The following WDPCP variants were observed in gnomAD, a reference collection of about 807,000 sequenced individuals.
The protein encoded by WDPCP is WD repeat containing planar cell polarity effector.
WDPCP carries 71 observed loss-of-function variants against 93.1 expected under a neutral mutation model. The observed-to-expected ratio is 0.76, with a 90% CI of 0.63 to 0.93. The LOEUF (loss-of-function observed/expected upper bound fraction) is 0.93, where lower values mean the gene tolerates loss of function less well. Among genes scored for constraint, WDPCP ranks in the 40% least tolerant of loss-of-function variants. WDPCP has a pLI of 0.00. For synonymous variants in WDPCP, 315 were observed against 315.0 expected, an observed-to-expected ratio of 1.00 and a Z score of 0.00; for missense variants, 844 against 887.4, an observed-to-expected ratio of 0.95 and a Z score of 0.62.
At chr2:63,233,379 C>G in intron 14 of WDPCP, 1 of 262,116 alleles carries the variant, frequency 3.8e-6, no homozygotes, top group Non-Finnish European at 7.4e-6. Flanking sequence ...CATAAATCCA[C>G]AGAGTCTACA....
At chr2:63,604,083 G>T (rs1709482455) in intron 3 of WDPCP, among the ~76,000 whole-genome samples, 4 of 152,202 alleles carry the variant, frequency 2.6e-5, no homozygotes, top group Admixed American at 2.0e-4. Context: ...ATTTTAGAGT[G>T]TATATATGTG....
At chr2:63,487,797 A>G (rs1356277043) in intron 2 of WDPCP, among the ~76,000 whole-genome samples, 1 of 152,092 alleles carries the variant, frequency 6.6e-6, no homozygotes, top group Non-Finnish European at 1.5e-5. Context: ...ACATCCTCTG[A>G]TATTTTTCAC....
rs371305145 is a variant in WDPCP, at chr2:63,437,589, T to C, written c.500-35A>G. ...ATAATTAGATATTACCAAGTTAGAA[T>C]AAAATAATGAATAGATTTTTCCACT... On this transcript the variant is annotated intron_variant, in intron 7 of 17. Transcript: ENST00000272321. 1,550 of 1,531,266 alleles carry C rather than the reference T, an allele frequency of 1.0e-3. 2 individuals carry two copies. Among genetic ancestry groups the C allele is most frequent in the Non-Finnish European group, 1.3e-3 (1,467 of 1,128,396 alleles). 94.9% of individuals were successfully genotyped at this position (1,531,266 alleles called of 1,614,324 possible). A position where few individuals can be genotyped will look rare whatever the true frequency, so the allele number is the denominator to read the frequency against.
chr2:63,736,284 T>C (rs139020692), intron 2 of WDPCP, among the ~76,000 whole-genome samples: 212 of 152,274 alleles, frequency 1.4e-3, no homozygotes, highest in African/African-American at 5.0e-3. Flanking sequence ...TTCAAATAAA[T>C]AGCAAACAAA....
chr2:63,171,787 C>T (rs114787546), intron 15 of WDPCP, among the ~76,000 whole-genome samples: 1,812 of 152,228 alleles, frequency 0.012, 36 homozygotes, highest in African/African-American at 0.042. Context: ...GGAAATAACC[C>T]AGATACCATC....
rs1286640205 is a variant in WDPCP at position 63,213,479 on chromosome 2, G to T, written c.1916-38647C>A. 2.6e-5 allele frequency among the ~76,000 whole-genome samples: 4 copies of T among 152,194 alleles called. No individual in the cohort carries two copies. The East Asian group carries it at 5.8e-4, about 22-fold the overall frequency. Reference sequence around the variant, plus strand: ...TCTGGGACACATTTAAAGCAGTGTGGAGAGGGAAACTTATAGCACTAAATG... The same window carrying T: ...TCTGGGACACATTTAAAGCAGTGTGTAGAGGGAAACTTATAGCACTAAATG... On this transcript the variant is annotated intron_variant, in intron 14 of 17. Transcript: ENST00000272321.
At chr2:63,167,232 A>T (rs1443229312) in intron 15 of WDPCP, among the ~76,000 whole-genome samples, 1 of 152,238 alleles carries the variant, frequency 6.6e-6, no homozygotes, top group Non-Finnish European at 1.5e-5. Context: ...AAATATTTAC[A>T]CTGAAGCCAT....
chr2:63,266,203 G>C (rs1231955246), intron 13 of WDPCP, among the ~76,000 whole-genome samples: 1 of 152,178 alleles, frequency 6.6e-6, no homozygotes, highest in African/African-American at 2.4e-5. Context: ...TATAGGAAAG[G>C]AAGGTGTGAA....
At chr2:63,287,159 A>C (rs1386285910) in intron 13 of WDPCP, among the ~76,000 whole-genome samples, 1 of 152,194 alleles carries the variant, frequency 6.6e-6, no homozygotes, top group Non-Finnish European at 1.5e-5. Flanking sequence ...TAAGGGGCCC[A>C]TCCTCATGGC....
intron 13 of WDPCP, among the ~76,000 whole-genome samples, chr2:63,285,311 G>A (rs868578491): frequency 1.3e-5 from 2 of 152,018 alleles, no homozygotes; most frequent in Non-Finnish European, 2.9e-5. Context: ...GCGGGTGGCT[G>A]TAGTCCCAGC....
At chr2:63,835,824 C>A in the WDPCP span, among the ~76,000 whole-genome samples, 1 of 151,996 alleles carries the variant, frequency 6.6e-6, no homozygotes, top group Non-Finnish European at 1.5e-5. Flanking sequence ...TTAATCTTCA[C>A]CCAAAAAGCA....
At chr2:63,378,342 T>A in intron 12 of WDPCP, 44 bp downstream of exon 12, 1 of 1,611,280 alleles carries the variant, frequency 6.2e-7, no homozygotes, top group Non-Finnish European at 8.5e-7. Context: ...TCTCCTGAAA[T>A]AAGTAATTAG....
intron 16 of WDPCP, chr2:63,153,179 T>C (rs1301959175): frequency 1.8e-6 from 1 of 567,852 alleles, no homozygotes; most frequent in African/African-American, 1.9e-5. Context: ...GTATATACTA[T>C]AGTATATACT....
At chr2:63,374,631 A>G (rs982606608) in intron 12 of WDPCP, among the ~76,000 whole-genome samples, 1 of 152,152 alleles carries the variant, frequency 6.6e-6, no homozygotes, top group African/African-American at 2.4e-5. Context: ...TTTGCCTATC[A>G]TATATATTTT....
At chr2:63,421,299 T>C (rs975001832) in intron 9 of WDPCP, among the ~76,000 whole-genome samples, 1 of 152,288 alleles carries the variant, frequency 6.6e-6, no homozygotes, top group East Asian at 1.9e-4. Context: ...CTTTTGGGCA[T>C]GTGAAAGTTA....
At chr2:63,651,105 G>A (rs538462621) in intron 2 of WDPCP, among the ~76,000 whole-genome samples, 8 of 152,230 alleles carry the variant, frequency 5.3e-5, no homozygotes, top group African/African-American at 1.4e-4. Context: ...CAACAATATG[G>A]TTCCTAGGTT....
chr2:63,412,900 A>G (rs1159165027), intron 9 of WDPCP, among the ~76,000 whole-genome samples: 2 of 149,160 alleles, frequency 1.3e-5, no homozygotes, highest in Non-Finnish European at 2.9e-5. Context: ...AACACATCCC[A>G]TGCTCATCGA....
intron 1 of WDPCP, among the ~76,000 whole-genome samples, chr2:63,562,675 T>C (rs986550943): frequency 6.6e-6 from 1 of 152,218 alleles, no homozygotes; most frequent in African/African-American, 2.4e-5. Context: ...TAAGTTGGTA[T>C]TATACTGTAA....
chr2:63,823,065 T>C (rs1467965147), intron 1 of WDPCP, among the ~76,000 whole-genome samples: 1 of 151,522 alleles, frequency 6.6e-6, no homozygotes, highest in Non-Finnish European at 1.5e-5. Flanking sequence ...TTGAACCAAA[T>C]CCCAAATCTC....
Sources: gnomAD v4.1 joint callset for allele counts (sites outside exome capture counted in the v4.1 genomes callset) on GRCh38, gnomAD v4.1.1 for gene constraint, MANE v1.5 for transcripts, NCBI Gene and HGNC (gene_info 2026-07-23, HGNC 2026-07-21) for gene names.